The following PRKCA variants were observed in gnomAD, a reference collection of about 807,000 sequenced individuals.
The protein encoded by PRKCA is protein kinase C alpha type.
In PRKCA, 27 loss-of-function variants were observed where a neutral mutation model predicts 87.0. The observed-to-expected ratio is 0.31, with a 90% CI of 0.23 to 0.43. The LOEUF is 0.43. Among genes scored for constraint, PRKCA ranks in the 20% least tolerant of loss-of-function variants. PRKCA has a pLI of 1.00. For missense variants in PRKCA, 518 were observed against 852.3 expected, an observed-to-expected ratio of 0.61 and a Z score of 4.88; for synonymous variants, 329 against 311.1, an observed-to-expected ratio of 1.06 and a Z score of -0.61.
chr17:66,520,425 G>A (rs556080529), intron 3 of PRKCA, among the ~76,000 whole-genome samples: 14 of 151,748 alleles, frequency 9.2e-5, no homozygotes, highest in African/African-American at 3.1e-4. Flanking sequence ...CCAGCCCACC[G>A]TGCTAATTTT....
At chr17:66,716,780 C>A (rs1463255752) in intron 8 of PRKCA, among the ~76,000 whole-genome samples, 1 of 152,174 alleles carries the variant, frequency 6.6e-6, no homozygotes, top group Non-Finnish European at 1.5e-5. Context: ...GGCAAAGTGC[C>A]AACACGTCAG....
chr17:66,630,857 G>T (rs1447620377), intron 3 of PRKCA, among the ~76,000 whole-genome samples: 1 of 152,102 alleles, frequency 6.6e-6, no homozygotes, highest in Non-Finnish European at 1.5e-5. Flanking sequence ...AATATAAAAT[G>T]GCAGTAGATA....
At chr17:66,565,056 G>A (rs1013278615) in intron 3 of PRKCA, among the ~76,000 whole-genome samples, 9 of 152,166 alleles carry the variant, frequency 5.9e-5, no homozygotes, top group African/African-American at 1.9e-4. Flanking sequence ...GGAGGCTTTA[G>A]GATATGTCCC....
intron 14 of PRKCA, among the ~76,000 whole-genome samples, chr17:66,782,948 C>T (rs544302615): frequency 3.9e-5 from 6 of 152,342 alleles, no homozygotes; most frequent in East Asian, 3.9e-4. Flanking sequence ...CTGCACAGCA[C>T]GTGACATGCA....
intron 3 of PRKCA, among the ~76,000 whole-genome samples, chr17:66,622,424 T>C (rs1970713218): frequency 6.6e-6 from 1 of 152,232 alleles, no homozygotes; most frequent in Non-Finnish European, 1.5e-5. Context: ...GGCTCACTTC[T>C]TTTCATCTGT....
Position 66,437,731 on chromosome 17 carries a change from T to TTTTTTTTTTTTTTTGG in PRKCA, c.206-58470_206-58469insTTTTTTTTTTTTTTGG, listed in dbSNP as rs55779501. Reference sequence around the variant, plus strand: ...TTGTTTCAAGTTTCCTTTTTTTTTTTGAGCGGGGGGTGGGTGGGGCGGGGG... The same window carrying TTTTTTTTTTTTTTTGG: ...TTGTTTCAAGTTTCCTTTTTTTTTTTTTTTTTTTTTTTTTGGGAGCGGGGGGTGGGTGGGGCGGGGG... On this transcript the variant is annotated intron_variant, in intron 2 of 16. Transcript: ENST00000413366. Among the ~76,000 whole-genome samples, 5 of 11,164 alleles carry TTTTTTTTTTTTTTTGG rather than the reference T, an allele frequency of 4.5e-4. 1 individual carries two copies. Among genetic ancestry groups the TTTTTTTTTTTTTTTGG allele is most frequent in the African/African-American group, 7.8e-4 (2 of 2,558 alleles). The allele number at this position is 11,164 out of a possible 152,430, so 7.3% of individuals were successfully genotyped here. A position where few individuals can be genotyped will look rare whatever the true frequency, so the allele number is the denominator to read the frequency against.
chr17:66,450,840 C>T (rs2143919460), intron 2 of PRKCA, among the ~76,000 whole-genome samples: 1 of 152,274 alleles, frequency 6.6e-6, no homozygotes, highest in Middle Eastern at 3.4e-3. Flanking sequence ...TTTTTTAAAA[C>T]CGCTAACTGA....
At chr17:66,559,005 T>C (rs1378491370) in intron 3 of PRKCA, among the ~76,000 whole-genome samples, 2 of 152,158 alleles carry the variant, frequency 1.3e-5, no homozygotes, top group Non-Finnish European at 2.9e-5. Context: ...GCACCTGTGC[T>C]TGCCATCCCC....
intron 2 of PRKCA, among the ~76,000 whole-genome samples, chr17:66,456,950 G>A (rs143526296): frequency 7.2e-5 from 11 of 152,292 alleles, no homozygotes; most frequent in African/African-American, 2.6e-4. Flanking sequence ...TAGGCCAGTG[G>A]CTGCTGCTTC....
chr17:66,732,589 C>A (rs9912154), intron 8 of PRKCA, 99 bp from the exon 9 acceptor site: 5 of 1,479,162 alleles, frequency 3.4e-6, no homozygotes, highest in Middle Eastern at 1.7e-4. Flanking sequence ...CCCATCCCAC[C>A]TCCAAGCAAA....
intron 3 of PRKCA, among the ~76,000 whole-genome samples, chr17:66,522,365 T>C (rs1036160082): frequency 1.3e-5 from 2 of 152,220 alleles, no homozygotes; most frequent in Non-Finnish European, 2.9e-5. Flanking sequence ...AGTATCTTTA[T>C]GAGTTTATCT....
chr17:66,455,614 C>G (rs1433690126), intron 2 of PRKCA, among the ~76,000 whole-genome samples: 2 of 152,196 alleles, frequency 1.3e-5, no homozygotes. Flanking sequence ...CATCCATCAA[C>G]TTAGTGGACT....
Position 66,302,860 on chromosome 17 carries a change from C to T in PRKCA, c.9C>T (p.Asp3=). The change falls in exon 1 of 17, where the codon GAC becomes GAT. Residue 3 remains aspartate (D), a synonymous_variant. Transcript: ENST00000413366. ...GGTGGTTGGGGGGGACCATGGCTGA[C>T]GTTTTCCCGGGCAACGACTCCACGG... MA[D]VFPGNDSTAS... is the part of the protein sequence containing the mutation. The T allele has an allele frequency of 6.9e-6, 11 of 1,592,774 alleles. No homozygotes were observed. Among genetic ancestry groups the T allele is most frequent in the Non-Finnish European group, 9.4e-6 (11 of 1,168,272 alleles).
intron 2 of PRKCA, among the ~76,000 whole-genome samples, chr17:66,422,469 G>A (rs1218184464): frequency 6.6e-6 from 1 of 152,194 alleles, no homozygotes; most frequent in African/African-American, 2.4e-5. Flanking sequence ...ATTATTGGAT[G>A]AATACATGTC....
intron 2 of PRKCA, among the ~76,000 whole-genome samples, chr17:66,411,335 T>G (rs1050108804): frequency 2.0e-5 from 3 of 151,980 alleles, no homozygotes; most frequent in African/African-American, 7.2e-5. Context: ...GTGCTGGGAT[T>G]ACAGGCATGA....
chr17:66,353,964 A>G (rs1907901495), intron 2 of PRKCA, among the ~76,000 whole-genome samples: 2 of 152,132 alleles, frequency 1.3e-5, no homozygotes, highest in Non-Finnish European at 2.9e-5. Flanking sequence ...TGTCAGAGAC[A>G]GGTTTTATGC....
At chr17:66,737,300 T>C (rs2144219671) in intron 10 of PRKCA, among the ~76,000 whole-genome samples, 1 of 152,062 alleles carries the variant, frequency 6.6e-6, no homozygotes, top group East Asian at 1.9e-4. Context: ...GAGGTGGAGC[T>C]TGCAGTGAGC....
At chr17:66,755,231 G>A (rs1046214497) in intron 13 of PRKCA, among the ~76,000 whole-genome samples, 4 of 152,136 alleles carry the variant, frequency 2.6e-5, no homozygotes, top group East Asian at 1.9e-4. Flanking sequence ...GCAGAAAATC[G>A]CACCCCACGC....
intron 3 of PRKCA, among the ~76,000 whole-genome samples, chr17:66,568,516 G>A (rs764286099): frequency 4.5e-4 from 69 of 152,144 alleles, no homozygotes; most frequent in African/African-American, 1.2e-3. Context: ...GAAGGCTGGC[G>A]CTGCAGAAAT....
Sources: gnomAD v4.1 joint callset for allele counts (sites outside exome capture counted in the v4.1 genomes callset) on GRCh38, gnomAD v4.1.1 for gene constraint, MANE v1.5 for transcripts, NCBI Gene and HGNC (gene_info 2026-07-23, HGNC 2026-07-21) for gene names.